The following NAA11 variants were observed in gnomAD, a reference collection of about 807,000 sequenced individuals.
The protein encoded by NAA11 is N-alpha-acetyltransferase 11, NatA catalytic subunit.
A neutral mutation model predicts 16.1 loss-of-function variants in NAA11; 15 were observed. That is an observed-to-expected ratio of 0.93 (90% CI 0.62 to 1.44). The LOEUF is 1.44. NAA11 is among the 40% of genes most tolerant of loss of function. NAA11 has a pLI of 0.00. For missense variants in NAA11, 298 were observed against 291.3 expected (o/e 1.02, Z -0.17); for synonymous variants, 122 against 112.4 (o/e 1.09, Z -0.54).
At chr4:79,203,147 T>C in the NAA11 span, among the ~76,000 whole-genome samples, 3 of 151,672 alleles carry the variant, frequency 2.0e-5, no homozygotes, top group African/African-American at 7.2e-5. Flanking sequence ...AACCAGTTTA[T>C]AAACCATGGA....
At chr4:79,320,193 A>G (rs1290381716) in intron 1 of NAA11, among the ~76,000 whole-genome samples, 1 of 152,212 alleles carries the variant, frequency 6.6e-6, no homozygotes, top group Non-Finnish European at 1.5e-5. Context: ...TCTGCCGTTG[A>G]CAAGCGTTGA....
chr4:79,233,800 G>C (rs967775994), intron 2 of NAA11, among the ~76,000 whole-genome samples: 7 of 152,074 alleles, frequency 4.6e-5, no homozygotes, highest in African/African-American at 1.4e-4. Context: ...GTTGGCTCAT[G>C]ATGGGAATTT....
the NAA11 span, among the ~76,000 whole-genome samples, chr4:79,173,105 G>A: frequency 6.6e-6 from 1 of 152,170 alleles, no homozygotes; most frequent in Non-Finnish European, 1.5e-5. Context: ...GAACGAAAAG[G>A]AGATTTTGAA....
chr4:79,244,813 G>A, intron 2 of NAA11: 1 of 153,518 alleles, frequency 6.5e-6, no homozygotes, highest in Non-Finnish European at 1.4e-5. Flanking sequence ...TTTTTTGGTG[G>A]AGACGGGGTT....
At chr4:79,223,329 G>A (rs1466751254), downstream of NAA11, among the ~76,000 whole-genome samples, 2 of 148,300 alleles carry the variant, frequency 1.3e-5, no homozygotes, top group South Asian at 2.2e-4. Flanking sequence ...AAAATGATGA[G>A]TTCATGTCCT....
chr4:79,230,752 G>A (rs569269486), intron 2 of NAA11, among the ~76,000 whole-genome samples: 1 of 151,886 alleles, frequency 6.6e-6, no homozygotes, highest in East Asian at 1.9e-4. Context: ...AATTCTTCTG[G>A]TCCTGAATAT....
chr4:79,295,397 T>C (rs1288938916), intron 1 of NAA11, among the ~76,000 whole-genome samples: 1 of 152,228 alleles, frequency 6.6e-6, no homozygotes, highest in African/African-American at 2.4e-5. Flanking sequence ...CAGAAAAGAT[T>C]GTTGACTAAG....
chr4:79,277,971 C>T (rs1171233750), intron 2 of NAA11, among the ~76,000 whole-genome samples: 1 of 151,952 alleles, frequency 6.6e-6, no homozygotes, highest in Non-Finnish European at 1.5e-5. Flanking sequence ...TGAACACTGT[C>T]TCACCAGGTG....
intron 2 of NAA11, among the ~76,000 whole-genome samples, chr4:79,270,028 A>T (rs913233892): frequency 6.6e-6 from 1 of 151,056 alleles, no homozygotes; most frequent in Non-Finnish European, 1.5e-5. Flanking sequence ...ATGCGGCGTT[A>T]TTTCTGAGGG....
chr4:79,297,187 C>T (rs1269666952), intron 1 of NAA11, among the ~76,000 whole-genome samples: 1 of 152,178 alleles, frequency 6.6e-6, no homozygotes, highest in African/African-American at 2.4e-5. Context: ...GCAGAACTGG[C>T]CCCGGAGTGG....
intron 2 of NAA11, among the ~76,000 whole-genome samples, chr4:79,274,450 G>A (rs1362061310): frequency 6.6e-6 from 1 of 152,058 alleles, no homozygotes; most frequent in Non-Finnish European, 1.5e-5. Flanking sequence ...ATCAACCTCA[G>A]AACCATCCCA....
Position 79,234,894 on chromosome 4 carries a change from CT to C in NAA11, c.*123-8625del, listed in dbSNP as rs370180746. ...CTGAATTCTAGTAAGGCTAAAGGAT[CT>C]TTTTTTACCAGTTATTTTTATCCCA... On this transcript the variant is annotated intron_variant and NMD_transcript_variant, in intron 2 of 2. Transcript: ENST00000511542. Among the ~76,000 whole-genome samples the C allele has an allele frequency of 2.2e-4, 33 of 152,110 alleles. No individual in the cohort carries two copies. In the East Asian group the frequency reaches 5.2e-3, roughly 24 times the overall value.
chr4:79,182,765 G>C, the NAA11 span, among the ~76,000 whole-genome samples: 1 of 152,084 alleles, frequency 6.6e-6, no homozygotes, highest in African/African-American at 2.4e-5. Flanking sequence ...TATACGGACA[G>C]ACACGTAATC....
chr4:79,204,732 T>C, the NAA11 span, among the ~76,000 whole-genome samples: 1 of 151,712 alleles, frequency 6.6e-6, no homozygotes, highest in Non-Finnish European at 1.5e-5. Context: ...CCCTTCTGAG[T>C]CTCCAGTGTG....
chr4:79,206,920 T>G, the NAA11 span, among the ~76,000 whole-genome samples: 1 of 152,108 alleles, frequency 6.6e-6, no homozygotes, highest in East Asian at 1.9e-4. Flanking sequence ...GAACAAGAAT[T>G]TCAAACAGCT....
intron 2 of NAA11, among the ~76,000 whole-genome samples, chr4:79,252,430 G>A (rs1390839068): frequency 1.3e-5 from 2 of 152,124 alleles, no homozygotes; most frequent in Non-Finnish European, 2.9e-5. Flanking sequence ...AATAAAAGAG[G>A]TTGAGCTCCC....
At chr4:79,228,820 A>C (rs1721387822) in intron 2 of NAA11, among the ~76,000 whole-genome samples, 1 of 152,010 alleles carries the variant, frequency 6.6e-6, no homozygotes, top group African/African-American at 2.4e-5. Flanking sequence ...CTCTTAGGTA[A>C]ATACTTACTA....
the NAA11 span, among the ~76,000 whole-genome samples, chr4:79,210,960 G>A: frequency 6.6e-6 from 1 of 152,168 alleles, no homozygotes. Context: ...TTTGTGCAGT[G>A]ACTTGCAGAT....
At chr4:79,209,927 T>G in the NAA11 span, among the ~76,000 whole-genome samples, 2 of 152,242 alleles carry the variant, frequency 1.3e-5, no homozygotes, top group Admixed American at 1.3e-4. Flanking sequence ...ACACCTGTAA[T>G]TCCAGCTATT....
Sources: gnomAD v4.1 joint callset for allele counts (sites outside exome capture counted in the v4.1 genomes callset) on GRCh38, gnomAD v4.1.1 for gene constraint, MANE v1.5 for transcripts, NCBI Gene and HGNC (gene_info 2026-07-23, HGNC 2026-07-21) for gene names.